ZNF831: variants seen among roughly 807,000 people sequenced by gnomAD.
ZNF831 encodes the protein chromosome 20 open reading frame 174.
In ZNF831, 59 loss-of-function variants were observed where a neutral mutation model predicts 95.8. That is an observed-to-expected ratio of 0.62 (90% confidence interval 0.50 to 0.77). ZNF831 has a LOEUF of 0.77. ZNF831 is among the 30% of genes least tolerant of loss of function. The pLI, the probability that ZNF831 is intolerant of heterozygous loss-of-function variation, is 0.00. For synonymous variants in ZNF831, 961 were observed against 925.5 expected (o/e 1.04, Z -0.70); for missense variants, 2,205 against 2,164.0 (o/e 1.02, Z -0.38).
intron 1 of ZNF831, among the ~76,000 whole-genome samples, chr20:59,133,132 A>ACTT (rs147360644): frequency 6.1e-5 from 1 of 16,498 alleles, no homozygotes; most frequent in Non-Finnish European, 2.5e-4. Context: ...CCGTAGGATC[A>ACTT]CTTTGGGCAG....
chr20:59,126,330 A>G (rs1979170270), intron 1 of ZNF831, among the ~76,000 whole-genome samples: 1 of 152,182 alleles, frequency 6.6e-6, no homozygotes, highest in Admixed American at 6.5e-5. Context: ...TCAGCCATTC[A>G]GAAGTGCTGG....
intron 1 of ZNF831, among the ~76,000 whole-genome samples, chr20:59,181,609 A>G (rs916957563): frequency 4.6e-5 from 7 of 152,086 alleles, no homozygotes; most frequent in Non-Finnish European, 1.0e-4. Context: ...TCCCAGCACC[A>G]TTTAATAAAT....
intron 4 of ZNF831, among the ~76,000 whole-genome samples, chr20:59,221,261 C>G (rs1986053672): frequency 6.6e-6 from 1 of 152,152 alleles, no homozygotes; most frequent in Admixed American, 6.5e-5. Flanking sequence ...CGTAGGGATT[C>G]GGGAGTACAT....
Position 59,192,428 on chromosome 20 carries a change from T to A in ZNF831, c.1409T>A (p.Val470Glu), listed in dbSNP as rs1983657578. The change falls in exon 2 of 6, where the codon GTG becomes GAG. Residue 470 changes from valine to glutamate, a missense_variant. By Grantham distance (121) the Val-to-Glu change is moderately radical. Coordinates refer to ENST00000371030, the MANE Select transcript of ZNF831 (RefSeq NM_178457.3). The surrounding 1 kb of genome is among the most constrained non-coding windows in gnomAD (Gnocchi z 5.2). ...EPGRRRAPGP[V>E]RSTWTPPDKS... is the part of the protein sequence containing the mutation. Reference sequence around the variant, plus strand: ...GGCCGTAGGAGGGCCCCGGGCCCCGTGCGCTCCACCTGGACGCCCCCAGAC... The same window carrying A: ...GGCCGTAGGAGGGCCCCGGGCCCCGAGCGCTCCACCTGGACGCCCCCAGAC... 1.2e-6 allele frequency: 2 copies of A among 1,609,796 alleles called. No homozygotes were observed. The highest frequency in any genetic ancestry group is 1.7e-6 in the Non-Finnish European group (2 of 1,178,390).
rs778100920 is a variant in ZNF831, at chr20:59,193,084, A to G, written c.2065A>G (p.Thr689Ala). ...CCATGAGGACATATCCGCAGGGGCA[A>G]CGCCAGAGCCTTGGGGAAATCCACC... ...PVHEDISAGA[T>A]PEPWGNPPAL... Residue 689 changes from threonine to alanine, a missense_variant, in exon 2 of 6, where the codon ACG becomes GCG. Thr to Ala is a moderately conservative substitution (Grantham distance 58, BLOSUM62 0). Transcript: ENST00000371030. The G allele has an allele frequency of 2.5e-6, 4 of 1,597,722 alleles. No homozygotes were observed. Among genetic ancestry groups the G allele is most frequent in the Non-Finnish European group, 2.6e-6 (3 of 1,172,122 alleles).
In ZNF831 at chr20:59,254,159, C is replaced by G. The variant is rs985243154; in HGVS notation, c.4450C>G (p.His1484Asp). Residue 1484 changes from histidine to aspartate, a missense_variant, in exon 6 of 6, where the codon CAT (histidine) becomes GAT (aspartate). His to Asp is a moderately conservative substitution (Grantham distance 81, BLOSUM62 -1). Transcript: ENST00000371030. This position sits in a 1 kb window ranked among gnomAD's most constrained non-coding sequence, Gnocchi z 4.5. ...TGGGTCCAAAGGAACTTTTCCCCACCATGACATTGCTACCTCTGTGGCTGC... is the reference window on the plus strand; with the variant it reads ...TGGGTCCAAAGGAACTTTTCCCCACGATGACATTGCTACCTCTGTGGCTGC... The part of the protein sequence containing the change: ...SFGSKGTFPH[H>D]DIATSVAAVC... The G allele has an allele frequency of 3.1e-6, 5 of 1,613,980 alleles. No homozygotes were observed. The highest frequency in any genetic ancestry group is 1.6e-4 in the Middle Eastern group (1 of 6,082).
In ZNF831 at chr20:59,255,524, G is replaced by C. The variant is rs1337572381; in HGVS notation, c.*781G>C. 1 of 152,154 alleles carries C rather than the reference G, an allele frequency of 6.6e-6. No individual in the cohort carries two copies. Among genetic ancestry groups the C allele is most frequent in the Non-Finnish European group, 1.5e-5 (1 of 68,032 alleles). The allele number at this position is 152,154 out of a possible 1,614,324, so 9.4% of individuals were successfully genotyped here. A position where few individuals can be genotyped will look rare whatever the true frequency, so the allele number is the denominator to read the frequency against. ...TTTTTCTAGTTCTTGCAAAGGAACGGTGTTAAAAGTTAATAGAACTGTCTC... is the reference window on the plus strand; with the variant it reads ...TTTTTCTAGTTCTTGCAAAGGAACGCTGTTAAAAGTTAATAGAACTGTCTC... On this transcript the variant is annotated 3_prime_UTR_variant, in exon 6 of 6. Transcript: ENST00000371030.
intron 1 of ZNF831, among the ~76,000 whole-genome samples, chr20:59,180,251 C>T (rs1045590830): frequency 6.6e-6 from 1 of 151,970 alleles, no homozygotes; most frequent in Admixed American, 6.6e-5. Context: ...CCATGCCTGC[C>T]TAATTATTTA....
intron 1 of ZNF831, among the ~76,000 whole-genome samples, chr20:59,174,557 T>C (rs1364977898): frequency 6.6e-6 from 1 of 152,164 alleles, no homozygotes; most frequent in Admixed American, 6.5e-5. Flanking sequence ...CAAACATGAT[T>C]AAGAAAACTT....
chr20:59,255,569 T>C lies in ZNF831; in HGVS notation c.*826T>C, dbSNP rs1988140324. 6.6e-6 allele frequency: 1 copy of C among 152,218 alleles called. No homozygotes were observed. The allele number at this position is 152,218 out of a possible 1,614,324, so 9.4% of individuals were successfully genotyped here. On this transcript the variant is annotated 3_prime_UTR_variant, in exon 6 of 6. Coordinates refer to ENST00000371030, the MANE Select transcript of ZNF831 (RefSeq NM_178457.3). ...TGTCTCTCTGTAATGAGTCATTTTTTGAGAGGGAAAAATTCACTTATTTTC... is the reference window on the plus strand; with the variant it reads ...TGTCTCTCTGTAATGAGTCATTTTTCGAGAGGGAAAAATTCACTTATTTTC...
At chr20:59,236,426 A>G (rs1360840583) in intron 4 of ZNF831, among the ~76,000 whole-genome samples, 1 of 151,898 alleles carries the variant, frequency 6.6e-6, no homozygotes, top group African/African-American at 2.4e-5. Flanking sequence ...CCTCTGCATG[A>G]GGGGCCATTT....
chr20:59,149,959 C>T (rs1217892832), intron 2 of ZNF831, among the ~76,000 whole-genome samples: 2 of 152,248 alleles, frequency 1.3e-5, no homozygotes, highest in East Asian at 3.8e-4. Context: ...CGCCAGCCCC[C>T]TTTGCCCCGC....
At chr20:59,163,777 G>T (rs1295899276), upstream of ZNF831, among the ~76,000 whole-genome samples, 1 of 150,222 alleles carries the variant, frequency 6.7e-6, no homozygotes, top group African/African-American at 2.5e-5. Flanking sequence ...CTACCGTGAC[G>T]TTAGGTAATG....
At chr20:59,250,376 G>A (rs117903593) in intron 4 of ZNF831, among the ~76,000 whole-genome samples, 2,242 of 152,318 alleles carry the variant, frequency 0.015, 24 homozygotes, top group Middle Eastern at 0.024. Flanking sequence ...AAGCTGACCA[G>A]TACACGTGGA....
chr20:59,241,909 C>T (rs1468060578), intron 4 of ZNF831, among the ~76,000 whole-genome samples: 2 of 152,204 alleles, frequency 1.3e-5, no homozygotes, highest in Admixed American at 1.3e-4. Context: ...AAGTACTCCA[C>T]GAGATGGAAT....
chr20:59,227,724 T>C (rs1012991475), intron 4 of ZNF831, among the ~76,000 whole-genome samples: 1 of 152,246 alleles, frequency 6.6e-6, no homozygotes, highest in Admixed American at 6.5e-5. Context: ...GTAGTAGGAA[T>C]AGTCTTAGCT....
intron 2 of ZNF831, among the ~76,000 whole-genome samples, chr20:59,151,320 A>T (rs1463752408): frequency 1.3e-5 from 2 of 152,188 alleles, no homozygotes; most frequent in African/African-American, 4.8e-5. Context: ...GGACAGAAGG[A>T]AATGGCCCTT....
At chr20:59,125,513 G>A (rs1011761967) in intron 1 of ZNF831, among the ~76,000 whole-genome samples, 8 of 152,216 alleles carry the variant, frequency 5.3e-5, no homozygotes, top group Middle Eastern at 3.4e-3. Context: ...GCATACTGAC[G>A]TCTGAGAAGC....
chr20:59,194,691 T>C lies in ZNF831; in HGVS notation c.3672T>C (p.Pro1224=), dbSNP rs758750224. Residue 1224 remains proline, a synonymous_variant, in exon 2 of 6, where the codon CCT becomes CCC. Transcript: ENST00000371030. ...SSLRDEGPNG[P]PGSNGGWTWT... Reference sequence around the variant, plus strand: ...TCCGAGATGAGGGTCCCAATGGCCCTCCTGGGAGCAATGGAGGATGGACCT... The same window carrying C: ...TCCGAGATGAGGGTCCCAATGGCCCCCCTGGGAGCAATGGAGGATGGACCT... 26 of 1,609,704 alleles carry C rather than the reference T, an allele frequency of 1.6e-5. No individual in the cohort carries two copies. Among genetic ancestry groups the C allele is most frequent in the African/African-American group, 2.7e-5 (2 of 74,834 alleles).
Sources: allele counts gnomAD v4.1 joint callset (sites outside exome capture counted in the v4.1 genomes callset), GRCh38; gene constraint gnomAD v4.1.1; non-coding constraint Gnocchi (gnomAD v3.1); transcripts MANE v1.5; gene names NCBI Gene and HGNC (gene_info 2026-07-23, HGNC 2026-07-21).